AKT3: variants seen among roughly 807,000 people sequenced by gnomAD.
The protein encoded by AKT3 is AKT serine/threonine kinase 3.
AKT3 carries 15 observed loss-of-function variants against 65.3 expected under a neutral mutation model. The ratio of observed to expected loss-of-function variants is 0.23; its 90% confidence interval spans 0.15 to 0.35. The LOEUF (loss-of-function observed/expected upper bound fraction) is 0.35, where lower values mean the gene tolerates loss of function less well. Among genes scored for constraint, AKT3 ranks in the 10% least tolerant of loss-of-function variants. AKT3 has a pLI of 1.00. For synonymous variants in AKT3, 206 were observed against 183.8 expected (o/e 1.12, Z -0.98); for missense variants, 243 against 576.5 (o/e 0.42, Z 5.92).
chr1:243,613,214 T>G (rs1402534354), intron 8 of AKT3, among the ~76,000 whole-genome samples: 1 of 149,628 alleles, frequency 6.7e-6, no homozygotes, highest in African/African-American at 2.5e-5. Context: ...TATATATATA[T>G]AGTCATAGTA....
At chr1:243,843,401 C>T in intron 1 of AKT3, 119 bp from the exon 2 acceptor site, 1 of 1,148,540 alleles carries the variant, frequency 8.7e-7, no homozygotes, top group East Asian at 3.1e-5. Context: ...AAAAGTCTGG[C>T]TCTTCAAACT....
chr1:243,591,764 T>TA (rs1676245670), intron 8 of AKT3, among the ~76,000 whole-genome samples: 1 of 148,162 alleles, frequency 6.7e-6, no homozygotes, highest in South Asian at 2.1e-4. Flanking sequence ...ATGTCTGAAA[T>TA]AAAAAATATA....
chr1:243,756,882 G>C (rs1187985653), intron 2 of AKT3, among the ~76,000 whole-genome samples: 1 of 152,172 alleles, frequency 6.6e-6, no homozygotes, highest in Non-Finnish European at 1.5e-5. Flanking sequence ...CCAAAATTGA[G>C]TATCAATTCA....
intron 2 of AKT3, among the ~76,000 whole-genome samples, chr1:243,787,936 A>G (rs1266818009): frequency 6.6e-6 from 1 of 152,020 alleles, no homozygotes; most frequent in Admixed American, 6.6e-5. Context: ...CTCAGATCCC[A>G]CCACAGAAGT....
At chr1:243,690,807 T>C (rs749836560) in intron 3 of AKT3, among the ~76,000 whole-genome samples, 1 of 152,130 alleles carries the variant, frequency 6.6e-6, no homozygotes, top group Non-Finnish European at 1.5e-5. Context: ...TAACTACTAC[T>C]ACCTAGTAAG....
chr1:243,661,490 CTGG>C (rs1235204532), intron 4 of AKT3, among the ~76,000 whole-genome samples: 5 of 150,450 alleles, frequency 3.3e-5, no homozygotes, highest in Non-Finnish European at 7.4e-5. Context: ...GCTGGGAAAA[CTGG>C]CTAGCCATAT....
chr1:243,771,834 A>G (rs1015166288), intron 2 of AKT3, among the ~76,000 whole-genome samples: 1 of 152,210 alleles, frequency 6.6e-6, no homozygotes, highest in Non-Finnish European at 1.5e-5. Context: ...CTGGTACCAA[A>G]ACAGAGATAC....
At chr1:243,540,168 T>TC (rs1193694687) in intron 12 of AKT3, among the ~76,000 whole-genome samples, 1 of 152,132 alleles carries the variant, frequency 6.6e-6, no homozygotes, top group East Asian at 1.9e-4. Context: ...CATAGTAATA[T>TC]CACTCAGGAT....
intron 2 of AKT3, among the ~76,000 whole-genome samples, chr1:243,819,154 C>T (rs544698120): frequency 5.8e-4 from 88 of 152,328 alleles, no homozygotes; most frequent in African/African-American, 2.0e-3. Flanking sequence ...AAGGGGCCAC[C>T]GTCATCACTG....
chr1:243,807,277 T>G (rs1692793927), intron 2 of AKT3, among the ~76,000 whole-genome samples: 1 of 152,172 alleles, frequency 6.6e-6, no homozygotes, highest in African/African-American at 2.4e-5. Context: ...GGAATTCCCT[T>G]TCCTAGCCAA....
At chr1:243,790,350 A>AT (rs1691540892) in intron 2 of AKT3, among the ~76,000 whole-genome samples, 1 of 152,210 alleles carries the variant, frequency 6.6e-6, no homozygotes, top group African/African-American at 2.4e-5. Flanking sequence ...TTCACTTTGC[A>AT]TTTTTATGTT....
At chr1:243,544,498 G>A (rs1672525918) in intron 12 of AKT3, among the ~76,000 whole-genome samples, 1 of 152,004 alleles carries the variant, frequency 6.6e-6, no homozygotes. Context: ...CATGCCTGCA[G>A]TCCGAGCTAC....
chr1:243,536,233 G>C (rs1428949750), intron 12 of AKT3, among the ~76,000 whole-genome samples: 1 of 152,036 alleles, frequency 6.6e-6, no homozygotes, highest in Admixed American at 6.6e-5. Flanking sequence ...GTTTAATTAA[G>C]CCCCATTTAT....
chr1:243,511,432 C>G (rs1670007824), intron 13 of AKT3, among the ~76,000 whole-genome samples: 1 of 152,086 alleles, frequency 6.6e-6, no homozygotes. Flanking sequence ...TCCAATCGCC[C>G]CTCTCCCGGA....
chr1:243,499,879 C>A lies in AKT3; in HGVS notation c.*5370G>T. Reference sequence around the variant, plus strand: ...TATGCCACAACGCACCACGACCTTCCCAGGGTGACACCGCCTCAGCCTGCA... The same window carrying A: ...TATGCCACAACGCACCACGACCTTCACAGGGTGACACCGCCTCAGCCTGCA... On this transcript the variant is annotated 3_prime_UTR_variant, in exon 14 of 14. Coordinates refer to ENST00000673466, the MANE Select transcript of AKT3 (RefSeq NM_005465.7). 1 of 1,231,826 alleles carries A rather than the reference C, an allele frequency of 8.1e-7. No homozygotes were observed. 76.3% of individuals were successfully genotyped at this position (1,231,826 alleles called of 1,614,324 possible).
chr1:243,812,865 T>C (rs1693256044), intron 2 of AKT3, among the ~76,000 whole-genome samples: 1 of 152,098 alleles, frequency 6.6e-6, no homozygotes, highest in African/African-American at 2.4e-5. Context: ...TCATGTCCTT[T>C]GTAGGGACAT....
intron 4 of AKT3, among the ~76,000 whole-genome samples, chr1:243,649,205 T>C (rs896518709): frequency 6.6e-6 from 1 of 152,042 alleles, no homozygotes; most frequent in African/African-American, 2.4e-5. Context: ...TGTCTTACTG[T>C]TATTGATTTC....
At chr1:243,681,340 A>C (rs1045036479) in intron 3 of AKT3, among the ~76,000 whole-genome samples, 3 of 152,132 alleles carry the variant, frequency 2.0e-5, no homozygotes, top group African/African-American at 7.2e-5. Flanking sequence ...TATTTCAAGA[A>C]ATAATTATCT....
intron 2 of AKT3, among the ~76,000 whole-genome samples, chr1:243,725,224 T>C (rs1013340710): frequency 2.0e-5 from 3 of 150,402 alleles, no homozygotes; most frequent in African/African-American, 7.3e-5. Flanking sequence ...GAAAAAGAAA[T>C]GAAACTGCAA....
Sources: allele counts gnomAD v4.1 joint callset (sites outside exome capture counted in the v4.1 genomes callset), GRCh38; gene constraint gnomAD v4.1.1; transcripts MANE v1.5; gene names NCBI Gene and HGNC (gene_info 2026-07-23, HGNC 2026-07-21).